ZNF292: variants seen among roughly 807,000 people sequenced by gnomAD.
ZNF292 encodes the protein zinc finger protein 292, also known as 16 zinc-finger domain protein.
A neutral mutation model predicts 217.9 loss-of-function variants in ZNF292; 26 were observed. The ratio of observed to expected loss-of-function variants is 0.12; its 90% CI spans 0.09 to 0.17. ZNF292 has a LOEUF of 0.17. Among genes scored for constraint, ZNF292 ranks in the 10% least tolerant of loss-of-function variants. The pLI is 1.00. For missense variants in ZNF292, 2,904 were observed against 3,175.2 expected (o/e 0.91, Z 2.05); for synonymous variants, 1,257 against 1,124.1 (o/e 1.12, Z -2.37).
chr6:87,201,185 T>G (rs967578374), intron 1 of ZNF292, among the ~76,000 whole-genome samples: 2 of 152,218 alleles, frequency 1.3e-5, no homozygotes, highest in African/African-American at 4.8e-5. Context: ...TATGGCACTA[T>G]GTATTATTTG....
chr6:87,258,598 C>T lies in ZNF292; in HGVS notation c.4969C>T (p.Leu1657Phe), dbSNP rs756002283. The T allele has an allele frequency of 6.2e-7, 1 of 1,613,690 alleles. No homozygotes were observed. Among genetic ancestry groups the T allele is most frequent in the Admixed American group, 1.7e-5 (1 of 59,908 alleles). ...LVTSDLTTMGLIAKSVEIPTT... is the reference protein window; with the variant it reads ...LVTSDLTTMGFIAKSVEIPTT... ...AACAAGTGACTTAACAACAATGGGA[C>T]TCATAGCAAAGAGTGTTGAAATCCC... is the stretch of plus-strand genomic sequence containing the variant. Residue 1657 changes from leucine (L) to phenylalanine (F), a missense_variant, in exon 8 of 8, where the codon CTC becomes TTC. Transcript: ENST00000369577.
intron 1 of ZNF292, among the ~76,000 whole-genome samples, chr6:87,212,605 C>T (rs1772547113): frequency 6.6e-6 from 1 of 152,208 alleles, no homozygotes; most frequent in African/African-American, 2.4e-5. Context: ...TTATACCATA[C>T]TTGTATGCCT....
At chr6:87,179,959 C>T (rs981177205) in intron 1 of ZNF292, among the ~76,000 whole-genome samples, 2 of 152,092 alleles carry the variant, frequency 1.3e-5, no homozygotes, top group Non-Finnish European at 2.9e-5. Flanking sequence ...TGAAGATCCC[C>T]GAGTATTGAG....
At chr6:87,164,339 C>T (rs1770845713) in intron 1 of ZNF292, among the ~76,000 whole-genome samples, 1 of 152,164 alleles carries the variant, frequency 6.6e-6, no homozygotes, top group South Asian at 2.1e-4. Context: ...AGAGTAAGTT[C>T]TTTTCCACAC....
chr6:87,246,162 C>T (rs1163434125), intron 7 of ZNF292, among the ~76,000 whole-genome samples: 3 of 152,140 alleles, frequency 2.0e-5, no homozygotes, highest in East Asian at 1.9e-4. Context: ...ACCTGGGAGG[C>T]GGAGATTGCA....
Position 87,259,580 on chromosome 6 carries a change from T to G in ZNF292, c.5951T>G (p.Ile1984Ser). Residue 1984 changes from isoleucine to serine, a missense_variant, in exon 8 of 8, where the codon ATT becomes AGT. This residue lies in a region of ZNF292 where 261 missense variants were observed against 272.8 expected (regional missense o/e 0.96). Coordinates refer to ENST00000369577, the MANE Select transcript of ZNF292 (RefSeq NM_015021.3). ...FTTEEMVKLK[I>S]KRPYGRKSQS... ...ACTGAAGAAATGGTAAAGTTAAAAA[T>G]TAAAAGGCCTTATGGAAGAAAATCT... is the stretch of plus-strand genomic sequence containing the variant. 1 of 1,575,986 alleles carries G rather than the reference T, an allele frequency of 6.3e-7. No homozygotes were observed.
chr6:87,209,663 A>G (rs1030222587), intron 1 of ZNF292, among the ~76,000 whole-genome samples: 23 of 152,232 alleles, frequency 1.5e-4, no homozygotes, highest in Admixed American at 6.5e-5. Flanking sequence ...GAGATTTGAA[A>G]AATGTAAAAC....
At chr6:87,169,717 G>A (rs571682117) in intron 1 of ZNF292, 23 of 444,504 alleles carry the variant, frequency 5.2e-5, no homozygotes, top group African/African-American at 2.8e-4. Flanking sequence ...CGCCATCAGA[G>A]CTCACTTCAG....
chr6:87,258,427 A>C lies in ZNF292; in HGVS notation c.4798A>C (p.Thr1600Pro). ...TTCTGGTGGGCCATCACAAAATTTT[A>C]CCAGTAACAGTTCTCGTGTTTCTGT... is the stretch of plus-strand genomic sequence containing the variant. Reference protein sequence around the residue: ...PNSGGPSQNFTSNSSRVSVIS... With the variant: ...PNSGGPSQNFPSNSSRVSVIS... Residue 1600 changes from threonine to proline, a missense_variant, in exon 8 of 8, where the codon ACC (threonine) becomes CCC (proline). By Grantham distance (38) the Thr-to-Pro change is conservative. Transcript: ENST00000369577. The C allele has an allele frequency of 6.2e-7, 1 of 1,613,684 alleles. No homozygotes were observed. The highest frequency in any genetic ancestry group is 1.6e-4 in the Middle Eastern group (1 of 6,062).
At chr6:87,232,614 T>A (rs1773710305) in intron 4 of ZNF292, among the ~76,000 whole-genome samples, 1 of 152,086 alleles carries the variant, frequency 6.6e-6, no homozygotes, top group South Asian at 2.1e-4. Flanking sequence ...AAACAAGCAC[T>A]AGGGGATAGT....
At position 87,259,517 on chromosome 6, in the gene ZNF292, A is replaced by G; in HGVS notation, c.5888A>G (p.Asn1963Ser). 1 of 1,587,136 alleles carries G rather than the reference A, an allele frequency of 6.3e-7. No homozygotes were observed. The highest frequency in any genetic ancestry group is 8.6e-7 in the Non-Finnish European group (1 of 1,165,420). ...TCTKTFTRNS[N>S]LRAHCQLVHH... The stretch of plus-strand genomic sequence containing the variant: ...ACAAAAACATTTACAAGAAATTCTA[A>G]CCTCCGGGCACACTGTCAGTTGGTG... The change falls in exon 8 of 8, where the codon AAC (asparagine) becomes AGC (serine). Residue 1963 changes from asparagine to serine, a missense_variant. Transcript: ENST00000369577.
intron 1 of ZNF292, among the ~76,000 whole-genome samples, chr6:87,212,439 G>A (rs1772534064): frequency 6.6e-6 from 1 of 152,140 alleles, no homozygotes; most frequent in African/African-American, 2.4e-5. Flanking sequence ...TCTAATCATG[G>A]CATGGTCTTT....
chr6:87,155,668 G>A lies in ZNF292; in HGVS notation c.77G>A (p.Gly26Asp). 1 of 1,586,308 alleles carries A rather than the reference G, an allele frequency of 6.3e-7. No individual in the cohort carries two copies. Among genetic ancestry groups the A allele is most frequent in the Non-Finnish European group, 8.6e-7 (1 of 1,168,122 alleles). ...GGCVAELQRL[G>D]ERLQELELQL... is the part of the protein sequence containing the mutation. ...TGCGTCGCGGAGCTGCAGCGCCTGG[G>A]CGAGCGGCTCCAGGAGCTGGAGCTA... Residue 26 changes from glycine to aspartate, a missense_variant, in exon 1 of 8, where the codon GGC (glycine) becomes GAC (aspartate). Physicochemically the swap from Gly to Asp is moderately conservative, Grantham distance 94 (BLOSUM62 -1). Around this residue, in one of 15 missense-constraint regions of ZNF292, gnomAD observed 66 missense variants for 44.1 expected, o/e 1.50. Coordinates refer to ENST00000369577, the MANE Select transcript of ZNF292 (RefSeq NM_015021.3).
chr6:87,205,989 T>A (rs1238514741), intron 1 of ZNF292, among the ~76,000 whole-genome samples: 1 of 152,224 alleles, frequency 6.6e-6, no homozygotes, highest in Non-Finnish European at 1.5e-5. Context: ...TAAGTATCTG[T>A]TGATCTTGGC....
chr6:87,174,447 C>G (rs1348936783), intron 1 of ZNF292: 1 of 152,232 alleles, frequency 6.6e-6, no homozygotes, highest in Non-Finnish European at 1.5e-5. Flanking sequence ...GTAACTGCTG[C>G]AGAACAGTTT....
intron 1 of ZNF292, 29 bp downstream of exon 1, chr6:87,155,788 TTTCCCCA>T: frequency 1.3e-6 from 2 of 1,557,268 alleles, no homozygotes; most frequent in Non-Finnish European, 1.7e-6. Flanking sequence ...CCCCTCCCCC[TTTCCCCA>T]GCTAGAGGGG....
At chr6:87,250,472 C>A (rs1399974213) in intron 7 of ZNF292, among the ~76,000 whole-genome samples, 2 of 152,040 alleles carry the variant, frequency 1.3e-5, no homozygotes, top group African/African-American at 4.8e-5. Context: ...AAAAAAAATT[C>A]TATAGAGTTC....
At chr6:87,224,082 G>A in intron 4 of ZNF292, 1 of 152,146 alleles carries the variant, frequency 6.6e-6, no homozygotes, top group Middle Eastern at 3.4e-3. Flanking sequence ...TTCCACCATT[G>A]GCCATCCATT....
intron 1 of ZNF292, among the ~76,000 whole-genome samples, chr6:87,208,982 T>G (rs1772362244): frequency 6.6e-6 from 1 of 152,170 alleles, no homozygotes; most frequent in South Asian, 2.1e-4. Flanking sequence ...ACTTCTTTAC[T>G]GAGGAAGAGT....
Sources: gnomAD v4.1 joint callset for allele counts (sites outside exome capture counted in the v4.1 genomes callset) on GRCh38, gnomAD v4.1.1 for gene constraint, gnomAD v4.1.1 regional missense constraint, MANE v1.5 for transcripts, NCBI Gene and HGNC (gene_info 2026-07-23, HGNC 2026-07-21) for gene names.